The following CNPY1 variants were observed in gnomAD, a reference collection of about 807,000 sequenced individuals.
The protein encoded by CNPY1 is protein canopy homolog 1.
A neutral mutation model predicts 14.4 loss-of-function variants in CNPY1; 14 were observed. The observed-to-expected ratio is 0.97, with a 90% CI of 0.64 to 1.52. CNPY1 has a LOEUF of 1.52. CNPY1 is among the 40% of genes most tolerant of loss of function. The pLI, the probability that CNPY1 is intolerant of heterozygous loss-of-function variation, is 0.00. For synonymous variants in CNPY1, 43 were observed against 46.5 expected, an observed-to-expected ratio of 0.92 and a Z score of 0.31; for missense variants, 129 against 131.5, an observed-to-expected ratio of 0.98 and a Z score of 0.09.
intron 2 of CNPY1, among the ~76,000 whole-genome samples, chr7:155,527,054 C>CTTTCTTTCTTTTTTTTTTTTTTTT (rs56296833): frequency 1.1e-5 from 1 of 90,344 alleles, no homozygotes; most frequent in African/African-American, 5.1e-5. Context: ...TTCTTTCTTT[C>CTTTCTTTCTTTTTTTTTTTTTTTT]TTTTTTTTTT....
chr7:155,531,854 C>T (rs1438875898), intron 2 of CNPY1, among the ~76,000 whole-genome samples: 1 of 152,154 alleles, frequency 6.6e-6, no homozygotes, highest in Non-Finnish European at 1.5e-5. Flanking sequence ...TTTGCTTCAC[C>T]AGTTCCCCAG....
intron 2 of CNPY1, among the ~76,000 whole-genome samples, chr7:155,519,015 T>A (rs1796670729): frequency 6.6e-6 from 1 of 152,258 alleles, no homozygotes; most frequent in Non-Finnish European, 1.5e-5. Flanking sequence ...TTATCCTGGC[T>A]GCAAAATTTT....
At chr7:155,539,584 A>T (rs1797060970) in intron 2 of CNPY1, among the ~76,000 whole-genome samples, 1 of 152,186 alleles carries the variant, frequency 6.6e-6, no homozygotes, top group Non-Finnish European at 1.5e-5. Flanking sequence ...TTCATAGTAC[A>T]TAATGGGATG....
chr7:155,504,931 T>A (rs2116659111), intron 4 of CNPY1, among the ~76,000 whole-genome samples: 1 of 152,358 alleles, frequency 6.6e-6, no homozygotes, highest in East Asian at 1.9e-4. Context: ...CCTTCAGTTG[T>A]CTGAAACCAT....
chr7:155,522,776 C>A (rs1473680345), intron 2 of CNPY1, among the ~76,000 whole-genome samples: 5 of 152,238 alleles, frequency 3.3e-5, no homozygotes, highest in Admixed American at 1.3e-4. Context: ...TAGCACCAGG[C>A]AGGTGCCCCC....
At position 155,501,391 on chromosome 7, in the gene CNPY1, T is replaced by C. The variant is rs1320679449; in HGVS notation, c.*1677A>G. ...GCCTACATTTGAGAATGTTTGATGA[T>C]GATCAAAGAGAGTATGGAAACAGAT... On this transcript the variant is annotated 3_prime_UTR_variant, in exon 5 of 5. Coordinates refer to ENST00000636446, the MANE Select transcript of CNPY1 (RefSeq NM_001393663.1). 6.6e-6 allele frequency: 1 copy of C among 152,220 alleles called. No homozygotes were observed. The highest frequency in any genetic ancestry group is 2.4e-5 in the African/African-American group (1 of 41,456). 9.4% of individuals were successfully genotyped at this position (152,220 alleles called of 1,614,324 possible).
intron 2 of CNPY1, among the ~76,000 whole-genome samples, chr7:155,541,366 C>T (rs569741885): frequency 1.1e-3 from 174 of 152,318 alleles, no homozygotes; most frequent in Middle Eastern, 0.01. Flanking sequence ...AGTCAGTCCC[C>T]GGGAGCTGAG....
Position 155,502,256 on chromosome 7 carries a change from T to A in CNPY1, c.*812A>T, listed in dbSNP as rs1011859910. On this transcript the variant is annotated 3_prime_UTR_variant, in exon 5 of 5. Coordinates refer to ENST00000636446, the MANE Select transcript of CNPY1 (RefSeq NM_001393663.1). ...TCCATTCCTGTAGAAGAATGGTAGA[T>A]TATTTAGTAGTAAACTCAACACACT... The A allele has an allele frequency of 1.3e-5, 2 of 151,632 alleles. No individual in the cohort carries two copies. Among genetic ancestry groups the A allele is most frequent in the Non-Finnish European group, 2.9e-5 (2 of 67,952 alleles). The allele number at this position is 151,632 out of a possible 1,614,324, so 9.4% of individuals were successfully genotyped here. A position where few individuals can be genotyped will look rare whatever the true frequency, so the allele number is the denominator to read the frequency against.
At chr7:155,542,869 CCT>C (rs1307296160) in intron 2 of CNPY1, among the ~76,000 whole-genome samples, 1 of 152,248 alleles carries the variant, frequency 6.6e-6, no homozygotes, top group Non-Finnish European at 1.5e-5. Flanking sequence ...GCACATCTCC[CCT>C]GTCCACACTG....
chr7:155,522,692 G>A (rs543536075), intron 2 of CNPY1, among the ~76,000 whole-genome samples: 239 of 152,170 alleles, frequency 1.6e-3, no homozygotes, highest in Non-Finnish European at 2.5e-3. Flanking sequence ...CACAGTCCTC[G>A]TAAGAGCCAC....
chr7:155,530,385 A>G (rs1421628335), intron 2 of CNPY1, among the ~76,000 whole-genome samples: 1 of 134,932 alleles, frequency 7.4e-6, no homozygotes, highest in Non-Finnish European at 1.5e-5. Context: ...CTATCGCCTT[A>G]AACTCCTGGG....
chr7:155,507,615 C>T (rs115476477), intron 3 of CNPY1, among the ~76,000 whole-genome samples: 1,722 of 151,216 alleles, frequency 0.011, 45 homozygotes, highest in African/African-American at 0.04. Context: ...TCAAAACAAA[C>T]GCATCTTCAA....
chr7:155,508,991 G>T lies in CNPY1; in HGVS notation c.206C>A (p.Thr69Asn). The T allele has an allele frequency of 1.2e-6, 2 of 1,613,836 alleles. No individual in the cohort carries two copies. The highest frequency in any genetic ancestry group is 1.7e-6 in the Non-Finnish European group (2 of 1,179,802). Residue 69 changes from threonine to asparagine, a missense_variant, in exon 3 of 5, where the codon ACT (threonine) becomes AAT (asparagine). Transcript: ENST00000636446. Reference sequence around the variant, plus strand: ...TTTCCTAGGAGCGAATCTCTTGAAAGTTCTCTCCTTCGTCACAGGGTCTTC... The same window carrying T: ...TTTCCTAGGAGCGAATCTCTTGAAATTTCTCTCCTTCGTCACAGGGTCTTC... ...LEEDPVTKER[T>N]FKRFAPRKGD...
intron 2 of CNPY1, among the ~76,000 whole-genome samples, chr7:155,515,641 G>A (rs1479158703): frequency 1.3e-5 from 2 of 152,228 alleles, no homozygotes; most frequent in Non-Finnish European, 2.9e-5. Flanking sequence ...AGGAGATTCG[G>A]GGATTTCTCG....
At chr7:155,542,723 C>T (rs1180384189) in intron 2 of CNPY1, among the ~76,000 whole-genome samples, 1 of 152,220 alleles carries the variant, frequency 6.6e-6, no homozygotes, top group African/African-American at 2.4e-5. Flanking sequence ...GTCCCAGCCC[C>T]ACATCCACAC....
At chr7:155,508,420 T>C (rs1465249614) in intron 3 of CNPY1, among the ~76,000 whole-genome samples, 1 of 152,230 alleles carries the variant, frequency 6.6e-6, no homozygotes, top group African/African-American at 2.4e-5. Context: ...TCTCCCTCTG[T>C]CATTTGGCTG....
intron 4 of CNPY1, among the ~76,000 whole-genome samples, chr7:155,505,590 G>T (rs1341342674): frequency 6.6e-6 from 1 of 152,142 alleles, no homozygotes; most frequent in Non-Finnish European, 1.5e-5. Flanking sequence ...CTAGTTACTG[G>T]AACCCTCTCT....
intron 2 of CNPY1, among the ~76,000 whole-genome samples, chr7:155,515,308 C>T (rs867355417): frequency 1.1e-5 from 1 of 94,864 alleles, no homozygotes; most frequent in Non-Finnish European, 2.4e-5. Flanking sequence ...CCCCCCCCCC[C>T]GGCCCCGGCC....
chr7:155,506,929 C>T (rs1049085668), intron 4 of CNPY1, 91 bp downstream of exon 4: 14 of 819,124 alleles, frequency 1.7e-5, no homozygotes, highest in Non-Finnish European at 2.7e-5. Context: ...GCAGAGGCAG[C>T]GAGGCTCGGT....
Sources: allele counts gnomAD v4.1 joint callset (sites outside exome capture counted in the v4.1 genomes callset), GRCh38; gene constraint gnomAD v4.1.1; transcripts MANE v1.5; gene names NCBI Gene and HGNC (gene_info 2026-07-23, HGNC 2026-07-21).